Variants in TMEM272 observed in about 807,000 individuals in gnomAD.
The protein encoded by TMEM272 is transmembrane protein 272.
TMEM272 carries 8 observed loss-of-function variants against 3.7 expected under a neutral mutation model. The observed-to-expected ratio is 2.17, with a 90% CI of 1.27 to 3.91. The LOEUF (loss-of-function observed/expected upper bound fraction) is 3.91. Ranked by LOEUF, TMEM272 falls within the 30% of genes most tolerant of loss-of-function variation. The pLI is 0.00. For missense variants in TMEM272, 166 were observed against 91.5 expected, an observed-to-expected ratio of 1.81 and a Z score of -3.32; for synonymous variants, 63 against 39.8, an observed-to-expected ratio of 1.58 and a Z score of -2.20.
chr13:51,835,228 CTT>C (rs202151711), intron 2 of TMEM272, among the ~76,000 whole-genome samples: 13 of 72,492 alleles, frequency 1.8e-4, no homozygotes, highest in African/African-American at 6.5e-4. Context: ...TATTTTCTTT[CTT>C]TTTTTTTTTT....
chr13:51,903,846 T>C, the TMEM272 span, among the ~76,000 whole-genome samples: 2 of 152,138 alleles, frequency 1.3e-5, no homozygotes, highest in East Asian at 3.9e-4. Flanking sequence ...ATATAGGGTC[T>C]TCTGCTCTGG....
At chr13:51,903,105 C>T in the TMEM272 span, among the ~76,000 whole-genome samples, 1 of 152,172 alleles carries the variant, frequency 6.6e-6, no homozygotes, top group Non-Finnish European at 1.5e-5. Context: ...TCAGTTTGTA[C>T]ACAAACACAA....
chr13:51,851,398 GAAGAAGAAGAAC>G, the TMEM272 span, among the ~76,000 whole-genome samples: 2 of 148,084 alleles, frequency 1.4e-5, no homozygotes, highest in South Asian at 2.1e-4. Context: ...GGAGGAGGAG[GAAGAAGAAGAAC>G]AAGAAGAAGA....
At chr13:51,861,525 A>C in the TMEM272 span, among the ~76,000 whole-genome samples, 1,639 of 152,308 alleles carry the variant, frequency 0.011, 13 homozygotes, top group Non-Finnish European at 0.018. Flanking sequence ...TGAACTTGTA[A>C]ACAGGTTAAT....
chr13:51,857,738 T>G, the TMEM272 span, among the ~76,000 whole-genome samples: 1 of 151,916 alleles, frequency 6.6e-6, no homozygotes, highest in Non-Finnish European at 1.5e-5. Context: ...AGAAAAAACA[T>G]GGTAAGAAAA....
chr13:51,916,660 G>A, the TMEM272 span, among the ~76,000 whole-genome samples: 1 of 152,062 alleles, frequency 6.6e-6, no homozygotes, highest in African/African-American at 2.4e-5. Flanking sequence ...GTTCCCTGGG[G>A]CGCCATTGGC....
the TMEM272 span, among the ~76,000 whole-genome samples, chr13:51,897,800 G>A: frequency 6.7e-6 from 1 of 149,782 alleles, no homozygotes; most frequent in Admixed American, 6.7e-5. Context: ...GGTGGTGCGT[G>A]CCTGTAATCC....
the TMEM272 span, among the ~76,000 whole-genome samples, chr13:51,876,217 C>T: frequency 7.9e-5 from 12 of 152,226 alleles, no homozygotes; most frequent in Non-Finnish European, 5.9e-5. Context: ...CACAAACTCC[C>T]CGGACTCCAC....
At chr13:51,902,164 G>C in the TMEM272 span, among the ~76,000 whole-genome samples, 4 of 152,150 alleles carry the variant, frequency 2.6e-5, no homozygotes, top group Admixed American at 6.5e-5. Context: ...AAATATAGGT[G>C]GATTCTCAGT....
At chr13:51,894,917 G>T in the TMEM272 span, among the ~76,000 whole-genome samples, 28 of 151,928 alleles carry the variant, frequency 1.8e-4, no homozygotes, top group Admixed American at 1.8e-3. Flanking sequence ...CCATCTGGGG[G>T]TCATGGGAGA....
At chr13:51,878,201 C>T in the TMEM272 span, among the ~76,000 whole-genome samples, 5 of 151,986 alleles carry the variant, frequency 3.3e-5, no homozygotes, top group African/African-American at 4.8e-5. Flanking sequence ...GAGGCCGAGG[C>T]GGGAGGATCA....
the TMEM272 span, among the ~76,000 whole-genome samples, chr13:51,895,301 T>C: frequency 1.3e-5 from 2 of 152,184 alleles, no homozygotes; most frequent in African/African-American, 2.4e-5. Context: ...ATAACCAGCA[T>C]AGGCTCTGAT....
the TMEM272 span, among the ~76,000 whole-genome samples, chr13:51,905,248 G>A: frequency 1.3e-4 from 20 of 152,304 alleles, no homozygotes; most frequent in Admixed American, 2.6e-4. Context: ...GAGCTGTCAC[G>A]ACACTGGACG....
rs1214559203 is a variant in TMEM272 at position 51,815,054 on chromosome 13, G to A, written c.*1697C>T. On this transcript the variant is annotated 3_prime_UTR_variant, in exon 5 of 5. Coordinates refer to ENST00000629372, the MANE Select transcript of TMEM272 (RefSeq NM_001351003.2). ...GACGAGTCATGGACTGGGGAAAGGA[G>A]GGTGGGAGAGGAGCCCATGGAACTC... is the stretch of plus-strand genomic sequence containing the variant. 6.5e-6 allele frequency: 1 copy of A among 152,694 alleles called. No individual in the cohort carries two copies. Among genetic ancestry groups the A allele is most frequent in the Non-Finnish European group, 1.5e-5 (1 of 68,088 alleles). The allele number at this position is 152,694 out of a possible 1,614,324, so 9.5% of individuals were successfully genotyped here. A position where few individuals can be genotyped will look rare whatever the true frequency, so the allele number is the denominator to read the frequency against.
intron 1 of TMEM272, among the ~76,000 whole-genome samples, chr13:51,844,328 A>C (rs1441280665): frequency 6.6e-6 from 1 of 151,844 alleles, no homozygotes; most frequent in East Asian, 1.9e-4. Flanking sequence ...GGACCAACTC[A>C]CTCTTGGTTT....
At chr13:51,895,479 T>C in the TMEM272 span, among the ~76,000 whole-genome samples, 906 of 152,270 alleles carry the variant, frequency 5.9e-3, 11 homozygotes, top group African/African-American at 0.021. Context: ...GGGAATGGAT[T>C]CTGGCTGTCT....
the TMEM272 span, among the ~76,000 whole-genome samples, chr13:51,895,806 C>T: frequency 1.2e-3 from 184 of 152,250 alleles, no homozygotes; most frequent in Admixed American, 2.8e-3. Flanking sequence ...GCTTAACATC[C>T]GTGATCTGAC....
Position 51,817,059 on chromosome 13 carries a change from C to T in TMEM272, c.256G>A (p.Val86Met), listed in dbSNP as rs939073162. 2.3e-5 allele frequency: 16 copies of T among 702,868 alleles called. No homozygotes were observed. Among genetic ancestry groups the T allele is most frequent in the South Asian group, 3.0e-5 (2 of 67,604 alleles). The allele number at this position is 702,868 out of a possible 1,614,324, so 43.5% of individuals were successfully genotyped here. Residue 86 changes from valine (V) to methionine (M), a missense_variant, in exon 5 of 5, where the codon GTG (valine) becomes ATG (methionine). Transcript: ENST00000629372. ...TRMRRLLSKA[V>M]VIDDDDDDEY... is the part of the protein sequence containing the mutation. ...TCATCGTCATCGTCATCAATCACCACGGCCTTGGACAGCAGCCGCCTCATC... is the reference window on the plus strand; with the variant it reads ...TCATCGTCATCGTCATCAATCACCATGGCCTTGGACAGCAGCCGCCTCATC...
At chr13:51,835,315 A>T (rs1256606768) in intron 2 of TMEM272, among the ~76,000 whole-genome samples, 3 of 150,804 alleles carry the variant, frequency 2.0e-5, no homozygotes, top group Non-Finnish European at 4.4e-5. Context: ...ACCTCCACCT[A>T]CCGGGTTCAA....
Sources: gnomAD v4.1 joint callset for allele counts (sites outside exome capture counted in the v4.1 genomes callset) on GRCh38, gnomAD v4.1.1 for gene constraint, MANE v1.5 for transcripts, NCBI Gene and HGNC (gene_info 2026-07-23, HGNC 2026-07-21) for gene names.